Variants in SOX6 observed in about 807,000 individuals in gnomAD.
The protein encoded by SOX6 is SRY-box transcription factor 6.
A neutral mutation model predicts 97.8 loss-of-function variants in SOX6; 11 were observed. That is an observed-to-expected ratio of 0.11 (90% CI 0.07 to 0.19). The LOEUF (loss-of-function observed/expected upper bound fraction) is 0.19, where lower values mean the gene tolerates loss of function less well. SOX6 is among the 10% of genes least tolerant of loss of function. The pLI, the probability that SOX6 is intolerant of heterozygous loss-of-function variation, is 1.00. For synonymous variants in SOX6, 360 were observed against 371.4 expected, an observed-to-expected ratio of 0.97 and a Z score of 0.35; for missense variants, 810 against 1,039.5, an observed-to-expected ratio of 0.78 and a Z score of 3.04.
At chr11:16,407,489 GT>G (rs1858711690) in intron 1 of SOX6, among the ~76,000 whole-genome samples, 1 of 152,270 alleles carries the variant, frequency 6.6e-6, no homozygotes, top group East Asian at 1.9e-4. Flanking sequence ...GTTTCCCAAA[GT>G]TAATCTAACA....
chr11:16,136,102 T>A (rs1376617916), intron 6 of SOX6, among the ~76,000 whole-genome samples: 2 of 152,098 alleles, frequency 1.3e-5, no homozygotes, highest in Non-Finnish European at 2.9e-5. Flanking sequence ...CACTGCAACC[T>A]TCACCTCCCA....
intron 2 of SOX6, among the ~76,000 whole-genome samples, chr11:16,323,394 G>C (rs1855982777): frequency 6.6e-6 from 1 of 152,116 alleles, no homozygotes. Context: ...AACGAATATT[G>C]TTCAGATTTT....
At chr11:16,223,952 T>C (rs1158526302) in intron 4 of SOX6, among the ~76,000 whole-genome samples, 4 of 152,110 alleles carry the variant, frequency 2.6e-5, no homozygotes, top group African/African-American at 9.7e-5. Context: ...TGTCACCAAA[T>C]AGACTAATAC....
At chr11:15,986,145 A>C (rs977447290) in intron 15 of SOX6, 59 bp downstream of exon 15, 9 of 1,461,084 alleles carry the variant, frequency 6.2e-6, no homozygotes, top group Non-Finnish European at 4.8e-6. Context: ...GCCAGTAGCC[A>C]TCCTATAGTT....
chr11:16,506,681 G>A (rs897993402), intron 4 of SOX6, among the ~76,000 whole-genome samples: 1 of 152,200 alleles, frequency 6.6e-6, no homozygotes, highest in Admixed American at 6.5e-5. Flanking sequence ...GTTGGAGGAG[G>A]GAGCTGGTGG....
At chr11:16,468,266 TA>T (rs1565155388) in intron 1 of SOX6, among the ~76,000 whole-genome samples, 1 of 151,870 alleles carries the variant, frequency 6.6e-6, no homozygotes, top group African/African-American at 2.4e-5. Flanking sequence ...AACAGCATCT[TA>T]AAAAAAAGAG....
intron 4 of SOX6, among the ~76,000 whole-genome samples, chr11:16,562,528 C>G (rs906220915): frequency 6.6e-6 from 1 of 152,128 alleles, no homozygotes; most frequent in Non-Finnish European, 1.5e-5. Flanking sequence ...AGAAAAAATA[C>G]TATGGCTCCA....
At chr11:16,296,793 C>T (rs1175155066) in intron 3 of SOX6, among the ~76,000 whole-genome samples, 1 of 152,046 alleles carries the variant, frequency 6.6e-6, no homozygotes, top group Non-Finnish European at 1.5e-5. Flanking sequence ...ACTCATTCTT[C>T]TCTTAAAAAC....
At chr11:16,460,599 C>T (rs1290077529) in intron 1 of SOX6, among the ~76,000 whole-genome samples, 3 of 152,006 alleles carry the variant, frequency 2.0e-5, no homozygotes, top group African/African-American at 7.2e-5. Flanking sequence ...ACTATTTCCT[C>T]ATCTTGAAAA....
intron 6 of SOX6, among the ~76,000 whole-genome samples, chr11:16,131,333 C>CA (rs1302095847): frequency 6.6e-6 from 1 of 151,588 alleles, no homozygotes; most frequent in African/African-American, 2.4e-5. Context: ...TATGAGTGGC[C>CA]AATAAGTATA....
At chr11:16,245,222 T>C (rs533620205) in intron 3 of SOX6, among the ~76,000 whole-genome samples, 18 of 151,874 alleles carry the variant, frequency 1.2e-4, no homozygotes, top group African/African-American at 4.1e-4. Context: ...TGTGGTTTAA[T>C]TGCCAAATAA....
intron 6 of SOX6, among the ~76,000 whole-genome samples, chr11:16,169,166 A>T (rs1361907461): frequency 6.6e-6 from 1 of 152,182 alleles, no homozygotes; most frequent in Non-Finnish European, 1.5e-5. Context: ...CTTAAAACAT[A>T]GAAGTTTAGA....
At chr11:16,162,417 C>A (rs577573472) in intron 6 of SOX6, among the ~76,000 whole-genome samples, 1 of 152,224 alleles carries the variant, frequency 6.6e-6, no homozygotes, top group East Asian at 1.9e-4. Context: ...TAATTCCCAA[C>A]GTTGGAGGCA....
At chr11:16,521,751 T>C (rs1861068273) in intron 4 of SOX6, among the ~76,000 whole-genome samples, 1 of 152,064 alleles carries the variant, frequency 6.6e-6, no homozygotes, top group East Asian at 1.9e-4. Context: ...GACGAATGTA[T>C]AACTAGAAGA....
chr11:16,093,099 C>G (rs906748883), intron 9 of SOX6, among the ~76,000 whole-genome samples: 1 of 151,954 alleles, frequency 6.6e-6, no homozygotes, highest in Non-Finnish European at 1.5e-5. Context: ...ACATTGTTTA[C>G]TGTAGCAAGT....
intron 9 of SOX6, among the ~76,000 whole-genome samples, chr11:16,094,087 A>G (rs1848746086): frequency 6.6e-6 from 1 of 151,968 alleles, no homozygotes; most frequent in South Asian, 2.1e-4. Context: ...TGAGGAAACT[A>G]TCAAAGCATC....
chr11:16,597,997 T>C (rs1848229718), intron 4 of SOX6, among the ~76,000 whole-genome samples: 1 of 152,094 alleles, frequency 6.6e-6, no homozygotes, highest in Non-Finnish European at 1.5e-5. Context: ...GCAAGTTATG[T>C]AACTTCCCAA....
intron 4 of SOX6, among the ~76,000 whole-genome samples, chr11:16,190,665 A>C (rs1851605323): frequency 6.6e-6 from 1 of 152,190 alleles, no homozygotes; most frequent in Non-Finnish European, 1.5e-5. Context: ...TAGTGTAACA[A>C]GTCTGAAATT....
chr11:16,071,944 G>A (rs2133943329), intron 9 of SOX6, among the ~76,000 whole-genome samples: 1 of 151,642 alleles, frequency 6.6e-6, no homozygotes, highest in African/African-American at 2.4e-5. Flanking sequence ...TCAAAGGATA[G>A]CAGCTTCAAA....
Sources: allele counts gnomAD v4.1 joint callset (sites outside exome capture counted in the v4.1 genomes callset), GRCh38; gene constraint gnomAD v4.1.1; transcripts MANE v1.5; gene names NCBI Gene and HGNC (gene_info 2026-07-23, HGNC 2026-07-21).